RIMBP2: variants seen among roughly 807,000 people sequenced by gnomAD.
The protein encoded by RIMBP2 is RIMS binding protein 2, also known as RIMS-binding protein 2.
A neutral mutation model predicts 118.6 loss-of-function variants in RIMBP2; 48 were observed. The ratio of observed to expected loss-of-function variants is 0.40; its 90% CI spans 0.32 to 0.51. The LOEUF is 0.51. RIMBP2 is among the 20% of genes least tolerant of loss of function. RIMBP2 has a pLI of 0.41. For synonymous variants in RIMBP2, 762 were observed against 742.9 expected (o/e 1.03, Z -0.42); for missense variants, 1,551 against 1,768.3 (o/e 0.88, Z 2.20).
At chr12:130,690,078 C>T (rs1372259334) in intron 1 of RIMBP2, among the ~76,000 whole-genome samples, 3 of 152,196 alleles carry the variant, frequency 2.0e-5, no homozygotes, top group Admixed American at 6.5e-5. Flanking sequence ...GCCTTCGGGT[C>T]CTCACTTCTG....
intron 2 of RIMBP2, among the ~76,000 whole-genome samples, chr12:130,572,728 G>A (rs149454716): frequency 1.8e-3 from 269 of 152,164 alleles, no homozygotes; most frequent in African/African-American, 6.1e-3. Flanking sequence ...GGACTCACAG[G>A]GTTTCTCGGT....
chr12:130,548,711 C>T (rs2055417252), intron 2 of RIMBP2, among the ~76,000 whole-genome samples: 1 of 151,906 alleles, frequency 6.6e-6, no homozygotes, highest in African/African-American at 2.4e-5. Flanking sequence ...GTAGCTGGGA[C>T]TACAGGCTCC....
In RIMBP2 at chr12:130,648,854, C is replaced by T. The variant is rs959236373; in HGVS notation, c.-351-20398G>A. On this transcript the variant is annotated intron_variant, in intron 1 of 22. Transcript: ENST00000690449. ...TATTTTTAGTAGGGACAGGGTTTCT[C>T]CATGTTGGTCAGGCTGGTCTCGAAC... Among the ~76,000 whole-genome samples, 42 of 145,476 alleles carry T rather than the reference C, an allele frequency of 2.9e-4. 4 individuals are homozygous for T. Among genetic ancestry groups the T allele is most frequent in the African/African-American group, 9.8e-4 (40 of 40,654 alleles).
intron 1 of RIMBP2, among the ~76,000 whole-genome samples, chr12:130,642,099 C>T (rs2062648744): frequency 6.6e-6 from 1 of 152,120 alleles, no homozygotes; most frequent in East Asian, 1.9e-4. Flanking sequence ...GTACCCCCAG[C>T]TTCCTGCCAC....
chr12:130,610,133 G>A (rs1020390636), intron 2 of RIMBP2, among the ~76,000 whole-genome samples: 1 of 148,968 alleles, frequency 6.7e-6, no homozygotes, highest in Admixed American at 6.8e-5. Flanking sequence ...AGTCCCTCCC[G>A]TTCTGGGGGA....
intron 2 of RIMBP2, among the ~76,000 whole-genome samples, chr12:130,596,226 G>A (rs538825919): frequency 2.6e-5 from 4 of 152,268 alleles, no homozygotes; most frequent in Non-Finnish European, 4.4e-5. Flanking sequence ...AAACAGACAC[G>A]TGGAAACCCA....
In RIMBP2 at chr12:130,422,472, G is replaced by A. The variant is rs1459221069; in HGVS notation, c.3219C>T (p.Pro1073=). 7.4e-6 allele frequency: 12 copies of A among 1,611,314 alleles called. No homozygotes were observed. Among genetic ancestry groups the A allele is most frequent in the East Asian group, 4.5e-5 (2 of 44,820 alleles). ...RGSAGPQRSR[P]VTVPSIDDYG... ...ACTAACCGATGGATGGGACTGTCAC[G>A]GGCCGGGACCTCTGAGGACCAGCGC... Residue 1073 remains proline, a synonymous_variant, in exon 17 of 23, where the codon CCC becomes CCT. Coordinates refer to ENST00000690449, the MANE Select transcript of RIMBP2 (RefSeq NM_001393629.1). The surrounding 1 kb of genome is among the most constrained non-coding windows in gnomAD (Gnocchi z 5.2).
chr12:130,484,411 G>A (rs189341302), intron 4 of RIMBP2, among the ~76,000 whole-genome samples: 8 of 152,276 alleles, frequency 5.3e-5, no homozygotes, highest in African/African-American at 1.2e-4. Context: ...ATGCCACTTC[G>A]CACTGAAGCC....
chr12:130,716,197 G>C (rs1364422985), intron 1 of RIMBP2, 25 bp downstream of exon 1: 2 of 152,054 alleles, frequency 1.3e-5, no homozygotes, highest in African/African-American at 4.8e-5. Flanking sequence ...CTATTTTTAG[G>C]AGAAAAAAAT....
At chr12:130,618,237 G>A (rs745597611) in intron 2 of RIMBP2, among the ~76,000 whole-genome samples, 4 of 152,096 alleles carry the variant, frequency 2.6e-5, no homozygotes, top group East Asian at 1.9e-4. Flanking sequence ...AGCACTCAAC[G>A]CCTTCCTCTC....
At chr12:130,504,172 G>A (rs956973065) in intron 4 of RIMBP2, among the ~76,000 whole-genome samples, 8 of 152,126 alleles carry the variant, frequency 5.3e-5, no homozygotes, top group Admixed American at 2.0e-4. Flanking sequence ...ACTACATCCC[G>A]TTCACAATTC....
At position 130,424,062 on chromosome 12, in the gene RIMBP2, A is replaced by C; in HGVS notation, c.3129+80T>G. 1.3e-6 allele frequency: 1 copy of C among 765,870 alleles called. No homozygotes were observed. Among genetic ancestry groups the C allele is most frequent in the Non-Finnish European group, 1.8e-6 (1 of 562,152 alleles). 47.4% of individuals were successfully genotyped at this position (765,870 alleles called of 1,614,324 possible). On this transcript the variant is annotated intron_variant, in intron 16 of 22. Transcript: ENST00000690449. This position sits in a 1 kb window ranked among gnomAD's most constrained non-coding sequence, Gnocchi z 9.8. ...AAGAGAGTCCCCAGGGATGGACACCAGAACAAACAGAAAACCAGTGAAAGG... is the reference window on the plus strand; with the variant it reads ...AAGAGAGTCCCCAGGGATGGACACCCGAACAAACAGAAAACCAGTGAAAGG...
chr12:130,437,347 C>A lies in RIMBP2; in HGVS notation c.1657-56G>T, dbSNP rs1593291109. On this transcript the variant is annotated intron_variant, in intron 12 of 22. Transcript: ENST00000690449. ...GCCCGAGGTGAGCCCCGCGGTCCTG[C>A]AATGGGGAGCCGACCAGTCCTCTGC... 8.4e-6 allele frequency: 12 copies of A among 1,431,870 alleles called. No individual in the cohort carries two copies. The East Asian group carries it at 3.0e-4, about 35-fold the overall frequency. The allele number at this position is 1,431,870 out of a possible 1,614,324, so 88.7% of individuals were successfully genotyped here.
chr12:130,525,660 A>G lies in RIMBP2; in HGVS notation c.-216-7743T>C, dbSNP rs2052699657. On this transcript the variant is annotated intron_variant, in intron 2 of 22. Transcript: ENST00000690449. The surrounding 1 kb of genome is among the most constrained non-coding windows in gnomAD (Gnocchi z 4.4). ...CACATGGGGAAGGCATGAGGGCAGCAGAGAGAAGGACGGGGCACTTGGGGA... is the reference window on the plus strand; with the variant it reads ...CACATGGGGAAGGCATGAGGGCAGCGGAGAGAAGGACGGGGCACTTGGGGA... Among the ~76,000 whole-genome samples the G allele has an allele frequency of 6.6e-6, 1 of 152,190 alleles. No homozygotes were observed. Among genetic ancestry groups the G allele is most frequent in the Non-Finnish European group, 1.5e-5 (1 of 68,038 alleles).
intron 3 of RIMBP2, among the ~76,000 whole-genome samples, chr12:130,515,067 G>A (rs533214019): frequency 1.4e-4 from 21 of 152,112 alleles, no homozygotes; most frequent in Middle Eastern, 3.4e-3. Context: ...TAGTAGAGAC[G>A]GGGTTTCACC....
In RIMBP2 at chr12:130,470,673, AG is replaced by A. The variant is rs2080926980; in HGVS notation, c.153+19del. The A allele has an allele frequency of 1.6e-6, 2 of 1,229,908 alleles. No homozygotes were observed. The highest frequency in any genetic ancestry group is 2.0e-6 in the Non-Finnish European group (2 of 985,940). The allele number at this position is 1,229,908 out of a possible 1,614,324, so 76.2% of individuals were successfully genotyped here. On this transcript the variant is annotated intron_variant, in intron 6 of 22. Transcript: ENST00000690449. ...CAACGTCCCCCACCCCCGGGCAGAA[AG>A]CAGGGGCACGCTCCTTACCTCTAGC...
chr12:130,699,904 T>TAAAAAAAAAA (rs33963621), intron 1 of RIMBP2, among the ~76,000 whole-genome samples: 5 of 85,664 alleles, frequency 5.8e-5, no homozygotes, highest in Non-Finnish European at 9.6e-5. Context: ...GACTCTGTCT[T>TAAAAAAAAAA]AAAAAAAAAA....
At chr12:130,698,257 C>G (rs113893033) in intron 1 of RIMBP2, among the ~76,000 whole-genome samples, 1 of 152,268 alleles carries the variant, frequency 6.6e-6, no homozygotes, top group Non-Finnish European at 1.5e-5. Flanking sequence ...CTTTGGGTCT[C>G]GTTACAGCCA....
intron 1 of RIMBP2, chr12:130,668,178 T>C (rs1333178564): frequency 6.6e-6 from 1 of 152,026 alleles, no homozygotes; most frequent in African/African-American, 2.4e-5. Context: ...CCCGACCCAA[T>C]GCTGAGGAAT....
Sources: gnomAD v4.1 joint callset for allele counts (sites outside exome capture counted in the v4.1 genomes callset) on GRCh38, gnomAD v4.1.1 for gene constraint, Gnocchi (gnomAD v3.1) non-coding constraint, MANE v1.5 for transcripts, NCBI Gene and HGNC (gene_info 2026-07-23, HGNC 2026-07-21) for gene names.